PFKFB1: variants seen among roughly 807,000 people sequenced by gnomAD.
PFKFB1 encodes the protein 6-phosphofructo-2-kinase/fructose-2,6-bisphosphatase 1.
Under a neutral mutation model 46.4 loss-of-function variants are expected in PFKFB1, and 34 were observed. The ratio of observed to expected loss-of-function variants is 0.73; its 90% CI spans 0.56 to 0.98. The LOEUF is 0.98. Among genes scored for constraint, PFKFB1 ranks in the 50% least tolerant of loss-of-function variants. PFKFB1 has a pLI of 0.00. For missense variants in PFKFB1, 393 were observed against 376.3 expected, an observed-to-expected ratio of 1.04 and a Z score of -0.37; for synonymous variants, 119 against 133.8, an observed-to-expected ratio of 0.89 and a Z score of 0.76.
intron 10 of PFKFB1, among the ~76,000 whole-genome samples, chrX:54,941,663 C>T (rs1296903454): frequency 8.9e-6 from 1 of 112,189 alleles, no homozygotes; most frequent in East Asian, 2.8e-4. Context: ...CACTGGCCAT[C>T]AGAGAAATGC....
chrX:54,964,406 CA>C (rs1934411955), intron 1 of PFKFB1, among the ~76,000 whole-genome samples: 1 of 109,302 alleles, frequency 9.1e-6, no homozygotes, highest in Non-Finnish European at 1.9e-5. Flanking sequence ...GGGTGTAGCA[CA>C]AAGGGCGAAC....
chrX:54,937,523 T>C (rs1282470414), intron 11 of PFKFB1, 72 bp downstream of exon 11: 3 of 978,655 alleles, frequency 3.1e-6, no homozygotes, highest in African/African-American at 1.9e-5. Flanking sequence ...TACTAAGATA[T>C]AGATATCTAA....
At chrX:54,997,119 C>T (rs1279580884), upstream of PFKFB1, among the ~76,000 whole-genome samples, 1 of 112,053 alleles carries the variant, frequency 8.9e-6, no homozygotes, top group African/African-American at 3.2e-5. Context: ...GTGCAGTCTA[C>T]ATCTCTCTGC....
chrX:54,982,554 T>A lies in PFKFB1; in HGVS notation c.97+11357A>T, dbSNP rs192105514. On this transcript the variant is annotated intron_variant, in intron 1 of 13. Coordinates refer to ENST00000375006, the MANE Select transcript of PFKFB1 (RefSeq NM_002625.4). ...AAAAAGCAATACAGTATAACAACCATTTACATAGCATTTACATTGTGTTAG... is the reference window on the plus strand; with the variant it reads ...AAAAAGCAATACAGTATAACAACCAATTACATAGCATTTACATTGTGTTAG... Among the ~76,000 whole-genome samples the A allele has an allele frequency of 8.0e-5, 9 of 111,822 alleles. No individual in the cohort carries two copies. The East Asian group carries it at 2.5e-3, about 32-fold the overall frequency.
chrX:54,937,536 G>A, intron 11 of PFKFB1, 59 bp downstream of exon 11: 2 of 1,063,709 alleles, frequency 1.9e-6, no homozygotes, highest in Non-Finnish European at 2.6e-6. Flanking sequence ...ATATCTAATT[G>A]TTGGTGTCAG....
At chrX:54,973,254 G>C (rs2146661319) in intron 1 of PFKFB1, among the ~76,000 whole-genome samples, 1 of 111,036 alleles carries the variant, frequency 9.0e-6, no homozygotes, top group African/African-American at 3.3e-5. Context: ...AGTCTTGCTA[G>C]CGGTCTATCA....
Position 54,982,498 on chromosome X carries a change from A to T in PFKFB1, c.97+11413T>A, listed in dbSNP as rs187409096. ...CAGATAGAAAATACTTTTAAAAACA[A>T]TAAAAATAACAAGAATAAAACACTA... On this transcript the variant is annotated intron_variant, in intron 1 of 13. Coordinates refer to ENST00000375006, the MANE Select transcript of PFKFB1 (RefSeq NM_002625.4). Among the ~76,000 whole-genome samples the T allele has an allele frequency of 1.2e-4, 13 of 112,194 alleles. No homozygotes were observed. In the East Asian group the frequency reaches 3.6e-3, roughly 31 times the overall value.
chrX:54,933,040 CT>C lies in PFKFB1; in HGVS notation c.*362del. The C allele has an allele frequency of 5.5e-6, 1 of 180,919 alleles. No individual in the cohort carries two copies. The highest frequency in any genetic ancestry group is 1.0e-5 in the Non-Finnish European group (1 of 96,736). 14.9% of individuals were successfully genotyped at this position (180,919 alleles called of 1,213,427 possible). On this transcript the variant is annotated 3_prime_UTR_variant, in exon 14 of 14. Transcript: ENST00000375006. ...CATCTTTGGAGGTGCTACTGTAGAA[CT>C]TTTCCCTCCAGGAAATCCTCACCCA...
chrX:54,959,355 C>T (rs1455562513), intron 4 of PFKFB1, among the ~76,000 whole-genome samples: 2 of 111,641 alleles, frequency 1.8e-5, no homozygotes, highest in African/African-American at 6.5e-5. Flanking sequence ...AACCTCAGCA[C>T]CTGAGATTGG....
intron 11 of PFKFB1, among the ~76,000 whole-genome samples, chrX:54,935,811 C>T (rs993223122): frequency 2.7e-4 from 30 of 111,518 alleles, no homozygotes; most frequent in African/African-American, 9.8e-4. Context: ...GTGATAAACC[C>T]ACCTGCTAGG....
intron 1 of PFKFB1, among the ~76,000 whole-genome samples, chrX:54,968,698 C>A (rs1454418766): frequency 9.0e-6 from 1 of 111,056 alleles, no homozygotes; most frequent in Non-Finnish European, 1.9e-5. Context: ...TAATCTAAAT[C>A]CTTCTATAAA....
At chrX:54,976,921 T>A (rs1258413350) in intron 1 of PFKFB1, among the ~76,000 whole-genome samples, 4 of 110,910 alleles carry the variant, frequency 3.6e-5, no homozygotes, top group Admixed American at 9.7e-5. Context: ...TTATATGACA[T>A]CCTGGACAAG....
intron 1 of PFKFB1, among the ~76,000 whole-genome samples, chrX:54,976,955 T>C (rs962500543): frequency 9.0e-6 from 1 of 110,882 alleles, no homozygotes; most frequent in Non-Finnish European, 1.9e-5. Context: ...AACAGAGAAC[T>C]GCTCAGTAGT....
In PFKFB1 at chrX:54,994,031, T is replaced by C. The variant is rs373044381; in HGVS notation, c.-24A>G. ...ATCTTAGGAGTCGCACCGAATGACA[T>C]CACTGCCCACAAGGTACCTGGCCTC... On this transcript the variant is annotated 5_prime_UTR_variant, in exon 1 of 14. An upstream start codon of the reference 5' UTR is lost. Coordinates refer to ENST00000375006, the MANE Select transcript of PFKFB1 (RefSeq NM_002625.4). The C allele has an allele frequency of 2.2e-4, 257 of 1,186,568 alleles. No individual in the cohort carries two copies. Among genetic ancestry groups the C allele is most frequent in the Non-Finnish European group, 2.8e-4 (246 of 882,738 alleles).
At position 54,963,255 on chromosome X, in the gene PFKFB1, A is replaced by C; in HGVS notation, c.223+2T>G. Reference sequence around the variant, plus strand: ...GTTGAACAAAGGCTTTCAGAGACATACCTTTAGTTGGTGTTCCTATCCAGT... The same window carrying C: ...GTTGAACAAAGGCTTTCAGAGACATCCCTTTAGTTGGTGTTCCTATCCAGT... On this transcript the variant is annotated splice_donor_variant, in intron 2 of 13. Coordinates refer to ENST00000375006, the MANE Select transcript of PFKFB1 (RefSeq NM_002625.4). LOFTEE classifies it high-confidence loss of function. 8.3e-7 allele frequency: 1 copy of C among 1,209,250 alleles called. No homozygotes were observed. Among genetic ancestry groups the C allele is most frequent in the Non-Finnish European group, 1.1e-6 (1 of 893,858 alleles).
upstream of PFKFB1, among the ~76,000 whole-genome samples, chrX:54,997,647 C>G: frequency 9.0e-6 from 1 of 111,569 alleles, no homozygotes; most frequent in Non-Finnish European, 1.9e-5. Context: ...GGGAGATCGA[C>G]CACACACTTA....
chrX:54,934,444 G>A (rs1933320013), intron 12 of PFKFB1, among the ~76,000 whole-genome samples: 1 of 111,308 alleles, frequency 9.0e-6, no homozygotes, highest in Admixed American at 9.5e-5. Context: ...GACAGAGGGG[G>A]CCTAATGCCT....
intron 10 of PFKFB1, among the ~76,000 whole-genome samples, chrX:54,940,037 T>C (rs944707340): frequency 1.2e-4 from 13 of 111,807 alleles, no homozygotes; most frequent in African/African-American, 4.2e-4. Context: ...AAAAAGCTTA[T>C]CCACTATGAT....
At chrX:54,977,633 T>C (rs1276874227) in intron 1 of PFKFB1, among the ~76,000 whole-genome samples, 3 of 110,996 alleles carry the variant, frequency 2.7e-5, no homozygotes, top group African/African-American at 6.5e-5. Context: ...CACACAAATA[T>C]TTCTTAGCTC....
Sources: allele counts gnomAD v4.1 joint callset (sites outside exome capture counted in the v4.1 genomes callset), GRCh38; gene constraint gnomAD v4.1.1; transcripts MANE v1.5; gene names NCBI Gene and HGNC (gene_info 2026-07-23, HGNC 2026-07-21).